CSGALNACT1: variants seen among roughly 807,000 people sequenced by gnomAD.
The protein encoded by CSGALNACT1 is beta4GalNAcT-1.
A neutral mutation model predicts 51.0 loss-of-function variants in CSGALNACT1; 52 were observed. That is an observed-to-expected ratio of 1.02 (90% CI 0.82 to 1.29). The LOEUF is 1.29. Among genes scored for constraint, CSGALNACT1 ranks in the 50% most tolerant of loss-of-function variants. CSGALNACT1 has a pLI of 0.00. For missense variants in CSGALNACT1, 935 were observed against 679.2 expected, an observed-to-expected ratio of 1.38 and a Z score of -4.19; for synonymous variants, 341 against 254.4, an observed-to-expected ratio of 1.34 and a Z score of -3.24.
chr8:19,439,758 G>C (rs937291129), intron 6 of CSGALNACT1, 72 bp downstream of exon 5: 1 of 1,153,390 alleles, frequency 8.7e-7, no homozygotes, highest in African/African-American at 1.5e-5. Flanking sequence ...TTAAGCAGAA[G>C]TTTCAGCCTT....
chr8:19,712,597 A>G (rs1367068942), intron 1 of CSGALNACT1, among the ~76,000 whole-genome samples: 2 of 151,974 alleles, frequency 1.3e-5, no homozygotes, highest in Non-Finnish European at 2.9e-5. Context: ...ATCCCTGCAA[A>G]TCTCTTCCTT....
intron 1 of CSGALNACT1, among the ~76,000 whole-genome samples, chr8:19,750,013 C>G (rs1311862158): frequency 1.3e-5 from 2 of 152,166 alleles, no homozygotes; most frequent in African/African-American, 2.4e-5. Context: ...GAGCCTCTGA[C>G]CCAGCCTTGG....
chr8:19,480,164 A>G (rs985444978), intron 4 of CSGALNACT1, among the ~76,000 whole-genome samples: 4 of 152,204 alleles, frequency 2.6e-5, no homozygotes, highest in Non-Finnish European at 5.9e-5. Context: ...TTTGTTATAT[A>G]GGTAAACTTC....
intron 4 of CSGALNACT1, among the ~76,000 whole-genome samples, chr8:19,474,987 G>T (rs1197341550): frequency 6.6e-6 from 1 of 151,920 alleles, no homozygotes. Flanking sequence ...CAAATTTGCA[G>T]CACAGAAACA....
At position 19,634,450 on chromosome 8, in the gene CSGALNACT1, C is replaced by T. The variant is rs372981321; in HGVS notation, c.-543-32585G>A. Among the ~76,000 whole-genome samples the T allele has an allele frequency of 2.5e-3, 383 of 152,164 alleles. 3 individuals are homozygous for T. The highest frequency in any genetic ancestry group is 8.8e-3 in the African/African-American group (367 of 41,508). The stretch of plus-strand genomic sequence containing the variant: ...GCCGAGGCAAGAGGATCATTTGAGC[C>T]AAAGAGTTCCAGACCAGCCTGGGAA... On this transcript the variant is annotated intron_variant, in intron 1 of 9. Transcript: ENST00000332246.
chr8:19,515,958 G>A (rs1278705062), intron 3 of CSGALNACT1, among the ~76,000 whole-genome samples: 2 of 152,076 alleles, frequency 1.3e-5, no homozygotes, highest in Admixed American at 1.3e-4. Flanking sequence ...GAATAAAGAC[G>A]CTTCTTCCAG....
At chr8:19,448,998 C>T (rs148802601) in intron 5 of CSGALNACT1, among the ~76,000 whole-genome samples, 10 of 152,172 alleles carry the variant, frequency 6.6e-5, no homozygotes, top group East Asian at 3.9e-4. Flanking sequence ...GGTCATCTCC[C>T]CTCCCCTGTG....
chr8:19,475,102 CTAAGT>C (rs1331172686), intron 4 of CSGALNACT1, among the ~76,000 whole-genome samples: 1 of 152,028 alleles, frequency 6.6e-6, no homozygotes, highest in African/African-American at 2.4e-5. Context: ...AGGGGAGTCT[CTAAGT>C]TAAGAAGGAG....
chr8:19,645,274 C>T (rs2057155388), intron 1 of CSGALNACT1, among the ~76,000 whole-genome samples: 1 of 152,190 alleles, frequency 6.6e-6, no homozygotes, highest in African/African-American at 2.4e-5. Flanking sequence ...CAGCATGATG[C>T]AACGGTATTA....
At chr8:19,571,384 A>G (rs1249682318) in intron 3 of CSGALNACT1, among the ~76,000 whole-genome samples, 3 of 151,986 alleles carry the variant, frequency 2.0e-5, no homozygotes, top group African/African-American at 7.3e-5. Context: ...GGGGCACCTG[A>G]GAATTGTTAC....
intron 1 of CSGALNACT1, among the ~76,000 whole-genome samples, chr8:19,651,643 TTTTC>T (rs34363262): frequency 0.44 from 66,041 of 151,638 alleles, 14,719 homozygotes; most frequent in Middle Eastern, 0.54. Context: ...ATGTACCACA[TTTTC>T]TTTATCTAGT....
chr8:19,695,426 G>T (rs1181707838), intron 1 of CSGALNACT1, among the ~76,000 whole-genome samples: 8 of 152,134 alleles, frequency 5.3e-5, no homozygotes, highest in African/African-American at 1.9e-4. Context: ...CGGCCAGAGT[G>T]CACTTCACAA....
intron 3 of CSGALNACT1, among the ~76,000 whole-genome samples, chr8:19,580,789 T>C (rs1006246593): frequency 1.3e-5 from 2 of 152,150 alleles, no homozygotes; most frequent in African/African-American, 4.8e-5. Flanking sequence ...CAAGAAAATA[T>C]ATTAAAGATA....
At chr8:19,713,373 A>C (rs746658991) in intron 1 of CSGALNACT1, among the ~76,000 whole-genome samples, 8 of 152,206 alleles carry the variant, frequency 5.3e-5, no homozygotes, top group Admixed American at 2.0e-4. Flanking sequence ...GGATTTCCCT[A>C]GAAGAAAATT....
upstream of CSGALNACT1, among the ~76,000 whole-genome samples, chr8:19,685,624 C>T (rs1347862665): frequency 6.6e-5 from 10 of 152,172 alleles, no homozygotes; most frequent in East Asian, 1.9e-3. Context: ...GAACTATCAA[C>T]CTTAATATGA....
chr8:19,728,911 A>C (rs1449210322), intron 1 of CSGALNACT1, among the ~76,000 whole-genome samples: 1 of 152,270 alleles, frequency 6.6e-6, no homozygotes, highest in Middle Eastern at 3.4e-3. Flanking sequence ...TCCTTCAAGC[A>C]GGCAGTCTGA....
intron 3 of CSGALNACT1, among the ~76,000 whole-genome samples, chr8:19,541,603 T>C (rs1466176421): frequency 7.6e-6 from 1 of 131,882 alleles, no homozygotes; most frequent in Non-Finnish European, 1.5e-5. Context: ...ATTCACCACA[T>C]TGGCCAGGCA....
intron 3 of CSGALNACT1, among the ~76,000 whole-genome samples, chr8:19,590,382 T>C (rs1045560759): frequency 1.3e-5 from 2 of 152,206 alleles, no homozygotes; most frequent in African/African-American, 2.4e-5. Flanking sequence ...TACATTCCTT[T>C]TGGCGATATC....
intron 1 of CSGALNACT1, among the ~76,000 whole-genome samples, chr8:19,664,621 G>T (rs55659028): frequency 6.6e-6 from 1 of 151,194 alleles, no homozygotes; most frequent in African/African-American, 2.4e-5. Context: ...CAGTGTGGAT[G>T]TATGTACACA....
Sources: allele counts gnomAD v4.1 joint callset (sites outside exome capture counted in the v4.1 genomes callset), GRCh38; gene constraint gnomAD v4.1.1; transcripts MANE v1.5; gene names NCBI Gene and HGNC (gene_info 2026-07-23, HGNC 2026-07-21).